The following SEMA6D variants were observed in gnomAD, a reference collection of about 807,000 sequenced individuals.
The protein encoded by SEMA6D is semaphorin 6D.
Under a neutral mutation model 106.6 loss-of-function variants are expected in SEMA6D, and 35 were observed. The ratio of observed to expected loss-of-function variants is 0.33; its 90% CI spans 0.25 to 0.44. The LOEUF (loss-of-function observed/expected upper bound fraction) is 0.44, where lower values mean the gene tolerates loss of function less well. Ranked by LOEUF, SEMA6D falls within the 20% of genes least tolerant of loss-of-function variation. The probability of loss-of-function intolerance (pLI) is 1.00; values close to 1 mark genes in which losing one functional copy is unlikely to be tolerated. For synonymous variants in SEMA6D, 499 were observed against 487.7 expected (o/e 1.02, Z -0.31); for missense variants, 1,185 against 1,345.9 (o/e 0.88, Z 1.87).
At chr15:47,559,086 AT>A (rs1156667524) in intron 3 of SEMA6D, among the ~76,000 whole-genome samples, 1 of 152,142 alleles carries the variant, frequency 6.6e-6, no homozygotes, top group African/African-American at 2.4e-5. Context: ...GATTCGATCC[AT>A]TTTGTTTGTC....
At chr15:47,471,931 T>TCTCTCACACA (rs1555445502) in intron 3 of SEMA6D, among the ~76,000 whole-genome samples, 17 of 121,504 alleles carry the variant, frequency 1.4e-4, no homozygotes, top group Admixed American at 1.7e-4. Context: ...TCTCTCTCTC[T>TCTCTCACACA]CACACACACA....
chr15:47,378,600 A>G lies in SEMA6D; in HGVS notation c.-238-33793A>G, dbSNP rs547671519. ...CTAGCTTGCTTATTTCAGCTAGGAC[A>G]AAGTATTGCATAAAGATGAATAAAT... On this transcript the variant is annotated intron_variant, in intron 1 of 19. Transcript: ENST00000558014. Among the ~76,000 whole-genome samples, 3 of 152,368 alleles carry G rather than the reference A, an allele frequency of 2.0e-5. No homozygotes were observed. The East Asian group carries it at 5.8e-4, about 29-fold the overall frequency.
chr15:47,417,413 ATGTGTGTGTG>A (rs34541759), intron 2 of SEMA6D, among the ~76,000 whole-genome samples: 3 of 146,562 alleles, frequency 2.0e-5, no homozygotes, highest in Non-Finnish European at 4.5e-5. Context: ...GTGTGTGTAT[ATGTGTGTGTG>A]TGTGTGTGTG....
intron 2 of SEMA6D, among the ~76,000 whole-genome samples, chr15:47,461,466 C>G (rs2042508818): frequency 6.6e-6 from 1 of 151,938 alleles, no homozygotes; most frequent in Non-Finnish European, 1.5e-5. Context: ...ATTTGTTGGA[C>G]AAATGATTAA....
chr15:47,375,129 C>CT, intron 1 of SEMA6D, among the ~76,000 whole-genome samples: 1 of 152,264 alleles, frequency 6.6e-6, no homozygotes, highest in East Asian at 1.9e-4. Context: ...GCTAGGGAGT[C>CT]TAACATTTAA....
At chr15:47,487,083 A>AT (rs1033226942) in intron 3 of SEMA6D, among the ~76,000 whole-genome samples, 54 of 152,320 alleles carry the variant, frequency 3.5e-4, no homozygotes, top group African/African-American at 9.4e-4. Context: ...TCAAAGTGTG[A>AT]TTTTTTACAC....
At chr15:47,761,865 C>T (rs561096185) in intron 7 of SEMA6D, 114 bp downstream of exon 7, 77 of 914,842 alleles carry the variant, frequency 8.4e-5, no homozygotes, top group African/African-American at 4.3e-4. Flanking sequence ...TCTAAGTGTT[C>T]GAAAGGCTAG....
intron 4 of SEMA6D, among the ~76,000 whole-genome samples, chr15:47,650,965 A>C (rs575912961): frequency 6.6e-5 from 10 of 152,084 alleles, no homozygotes; most frequent in Non-Finnish European, 8.8e-5. Flanking sequence ...CCCTTTACTG[A>C]TTGCCAGTGA....
At chr15:47,435,584 C>G (rs2041675350) in intron 2 of SEMA6D, among the ~76,000 whole-genome samples, 1 of 152,084 alleles carries the variant, frequency 6.6e-6, no homozygotes, top group Non-Finnish European at 1.5e-5. Flanking sequence ...CCTTGAAATG[C>G]TCCAGCTCAG....
At chr15:47,337,757 C>G (rs920780983) in intron 1 of SEMA6D, among the ~76,000 whole-genome samples, 3 of 152,132 alleles carry the variant, frequency 2.0e-5, no homozygotes, top group Non-Finnish European at 4.4e-5. Context: ...GTGGGGAGGA[C>G]TCAAGGAGTG....
rs573378123 is a variant in SEMA6D at position 47,733,253 on chromosome 15, G to C, written c.-55+15561G>C. On this transcript the variant is annotated intron_variant, in intron 1 of 18. Coordinates refer to ENST00000536845, the MANE Select transcript of SEMA6D (RefSeq NM_001358351.3). ...ACTACCTAAGTGGAACTCTTGGCCT[G>C]GCTCCGAGTCCTCCTTCACCCTGTC... Among the ~76,000 whole-genome samples, 5 of 152,110 alleles carry C rather than the reference G, an allele frequency of 3.3e-5. No individual in the cohort carries two copies. In the East Asian group the frequency reaches 9.7e-4, roughly 29 times the overall value.
At chr15:47,232,313 T>A (rs1400285970) in intron 1 of SEMA6D, among the ~76,000 whole-genome samples, 1 of 151,968 alleles carries the variant, frequency 6.6e-6, no homozygotes, top group Admixed American at 6.6e-5. Flanking sequence ...AATAAACATT[T>A]GTGGTGAATT....
intron 1 of SEMA6D, among the ~76,000 whole-genome samples, chr15:47,364,552 CA>C (rs2038939862): frequency 6.6e-6 from 1 of 152,158 alleles, no homozygotes; most frequent in Non-Finnish European, 1.5e-5. Flanking sequence ...GAATTTCGTA[CA>C]GTAGCTGTGA....
At chr15:47,482,633 G>A (rs768715091) in intron 3 of SEMA6D, among the ~76,000 whole-genome samples, 16 of 152,086 alleles carry the variant, frequency 1.1e-4, no homozygotes, top group Non-Finnish European at 1.9e-4. Flanking sequence ...TAGTTAGCAT[G>A]AATAGGATGA....
At chr15:47,653,973 G>C (rs1596541518) in intron 4 of SEMA6D, among the ~76,000 whole-genome samples, 1 of 152,266 alleles carries the variant, frequency 6.6e-6, no homozygotes, top group African/African-American at 2.4e-5. Flanking sequence ...GGAATTCAGT[G>C]GTGAGCAAAA....
intron 4 of SEMA6D, among the ~76,000 whole-genome samples, chr15:47,652,987 C>T (rs913158967): frequency 1.2e-4 from 19 of 152,202 alleles, no homozygotes; most frequent in African/African-American, 4.1e-4. Flanking sequence ...TAGCACTCCT[C>T]GTACCTGAGC....
chr15:47,509,718 A>G (rs73388986), intron 3 of SEMA6D, among the ~76,000 whole-genome samples: 3,605 of 152,288 alleles, frequency 0.024, 103 homozygotes, highest in African/African-American at 0.065. Flanking sequence ...AATGCTGTTT[A>G]TTATTTCAGG....
chr15:47,213,262 T>C (rs1447560140), intron 1 of SEMA6D, among the ~76,000 whole-genome samples: 1 of 152,218 alleles, frequency 6.6e-6, no homozygotes, highest in African/African-American at 2.4e-5. Context: ...TGAAGTTCTG[T>C]TGGACAGCAT....
At chr15:47,676,627 T>C (rs996974112) in intron 4 of SEMA6D, among the ~76,000 whole-genome samples, 4 of 152,184 alleles carry the variant, frequency 2.6e-5, no homozygotes, top group African/African-American at 9.6e-5. Flanking sequence ...CTTGCAGCAA[T>C]TGAGGTACCC....
Sources: gnomAD v4.1 joint callset for allele counts (sites outside exome capture counted in the v4.1 genomes callset) on GRCh38, gnomAD v4.1.1 for gene constraint, MANE v1.5 for transcripts, NCBI Gene and HGNC (gene_info 2026-07-23, HGNC 2026-07-21) for gene names.